Variants in DIAPH2 observed in about 807,000 individuals in gnomAD.
DIAPH2 encodes protein diaphanous homolog 2.
Under a neutral mutation model 92.7 loss-of-function variants are expected in DIAPH2, and 35 were observed. The ratio of observed to expected loss-of-function variants is 0.38; its 90% CI spans 0.29 to 0.50. The LOEUF (loss-of-function observed/expected upper bound fraction) is 0.50, where lower values mean the gene tolerates loss of function less well. Among genes scored for constraint, DIAPH2 ranks in the 20% least tolerant of loss-of-function variants. The pLI is 0.94. For missense variants in DIAPH2, 701 were observed against 819.5 expected (o/e 0.86, Z 1.77); for synonymous variants, 301 against 280.4 (o/e 1.07, Z -0.73).
chrX:96,998,230 T>C (rs1042197933), intron 17 of DIAPH2, among the ~76,000 whole-genome samples: 10 of 110,977 alleles, frequency 9.0e-5, no homozygotes, highest in Non-Finnish European at 1.5e-4. Flanking sequence ...TATTTACCTT[T>C]AACTTCTGTG....
At chrX:97,428,697 C>G in intron 25 of DIAPH2, among the ~76,000 whole-genome samples, 1 of 111,246 alleles carries the variant, frequency 9.0e-6, no homozygotes, top group South Asian at 3.8e-4. Context: ...AAATTGTCAT[C>G]TACCTCACAC....
At chrX:96,794,648 A>T (rs1043927806) in intron 4 of DIAPH2, among the ~76,000 whole-genome samples, 3 of 111,876 alleles carry the variant, frequency 2.7e-5, no homozygotes, top group African/African-American at 9.8e-5. Flanking sequence ...CTATCCTGTG[A>T]TATAACAAAT....
intron 22 of DIAPH2, among the ~76,000 whole-genome samples, chrX:97,185,167 G>A (rs1400351553): frequency 4.2e-5 from 4 of 95,309 alleles, no homozygotes; most frequent in African/African-American, 1.5e-4. Flanking sequence ...AGGATTATAG[G>A]CACCCGTCAC....
chrX:97,141,912 A>G, intron 22 of DIAPH2, 118 bp downstream of exon 22: 1 of 803,751 alleles, frequency 1.2e-6, no homozygotes, highest in Non-Finnish European at 1.7e-6. Flanking sequence ...CTGATAAAAG[A>G]AAAGCAGGAA....
intron 1 of DIAPH2, among the ~76,000 whole-genome samples, chrX:96,687,201 AG>A (rs2063775255): frequency 8.9e-6 from 1 of 112,075 alleles, no homozygotes; most frequent in Non-Finnish European, 1.9e-5. Context: ...GTTACTGAGT[AG>A]GGAAGAAGGG....
chrX:97,544,532 C>A lies in DIAPH2; in HGVS notation c.3242-54721C>A, dbSNP rs1602659733. ...CAGTGTTGCTGCATCTCCATTTTTC[C>A]ACACCGATTTTAGTCTTGATATTAC... On this transcript the variant is annotated intron_variant, in intron 26 of 26. Transcript: ENST00000324765. Among the ~76,000 whole-genome samples the A allele has an allele frequency of 5.4e-5, 6 of 111,933 alleles. 1 individual carries two copies. The Admixed American group carries it at 5.7e-4, about 11-fold the overall frequency.
intron 4 of DIAPH2, among the ~76,000 whole-genome samples, chrX:96,859,662 G>T (rs1335308869): frequency 9.4e-6 from 1 of 106,574 alleles, no homozygotes; most frequent in African/African-American, 3.5e-5. Flanking sequence ...TATTTTTTGA[G>T]AGGGAGTCTC....
At chrX:96,892,455 A>G (rs1275626855) in intron 5 of DIAPH2, among the ~76,000 whole-genome samples, 2 of 111,999 alleles carry the variant, frequency 1.8e-5, no homozygotes, top group African/African-American at 3.2e-5. Context: ...GCAGTTGTCA[A>G]TTTATATGCC....
At chrX:97,384,516 A>T (rs1388275409) in intron 25 of DIAPH2, among the ~76,000 whole-genome samples, 1 of 112,011 alleles carries the variant, frequency 8.9e-6, no homozygotes, top group East Asian at 2.8e-4. Flanking sequence ...AGGGAAAGGC[A>T]TCTTGCACAG....
chrX:97,398,078 C>T (rs1408603058), intron 25 of DIAPH2, among the ~76,000 whole-genome samples: 6 of 112,167 alleles, frequency 5.3e-5, no homozygotes, highest in Non-Finnish European at 1.1e-4. Context: ...TAACCGACCT[C>T]ATTCTACTGA....
At chrX:97,046,998 G>T (rs980621957) in intron 17 of DIAPH2, among the ~76,000 whole-genome samples, 2 of 111,212 alleles carry the variant, frequency 1.8e-5, no homozygotes, top group African/African-American at 6.5e-5. Flanking sequence ...TTCAGGAAAA[G>T]ATGGAGAAGT....
chrX:97,185,459 A>ATATATATGTGTGTG (rs1291735933), intron 22 of DIAPH2, among the ~76,000 whole-genome samples: 11 of 45,483 alleles, frequency 2.4e-4, no homozygotes, highest in Non-Finnish European at 3.6e-4. Context: ...GTGTGTGTAT[A>ATATATATGTGTGTG]TATATATATA....
intron 4 of DIAPH2, among the ~76,000 whole-genome samples, chrX:96,760,811 A>G (rs1033368717): frequency 2.7e-5 from 3 of 111,447 alleles, no homozygotes; most frequent in Non-Finnish European, 3.8e-5. Context: ...TCGAAGTCCC[A>G]TAATAGAGAA....
At chrX:97,325,640 T>C (rs942519394) in intron 23 of DIAPH2, among the ~76,000 whole-genome samples, 2 of 109,717 alleles carry the variant, frequency 1.8e-5, no homozygotes, top group Non-Finnish European at 3.8e-5. Context: ...TGCAGTGGTG[T>C]GATCTCGGCT....
chrX:96,930,623 T>A (rs2065613059), intron 9 of DIAPH2, 110 bp from the exon 10 acceptor site: 1 of 490,027 alleles, frequency 2.0e-6, no homozygotes, highest in Admixed American at 4.8e-5. Context: ...ATATTTGCAT[T>A]TCTTATTTTA....
chrX:97,407,720 T>G (rs891566440), intron 25 of DIAPH2, among the ~76,000 whole-genome samples: 1 of 112,213 alleles, frequency 8.9e-6, no homozygotes, highest in Non-Finnish European at 1.9e-5. Context: ...TGACCATACC[T>G]CTATTCATTT....
intron 26 of DIAPH2, among the ~76,000 whole-genome samples, chrX:97,514,003 T>C (rs1238738937): frequency 9.3e-6 from 1 of 107,341 alleles, no homozygotes; most frequent in Non-Finnish European, 1.9e-5. Context: ...GTTGCTCTTC[T>C]CTAGGAGAAT....
At chrX:97,085,809 T>C (rs989278870) in intron 19 of DIAPH2, among the ~76,000 whole-genome samples, 4 of 112,202 alleles carry the variant, frequency 3.6e-5, no homozygotes, top group Non-Finnish European at 5.6e-5. Context: ...GTATTTGTTC[T>C]AATAAAGAAT....
chrX:97,555,909 G>A, intron 26 of DIAPH2, among the ~76,000 whole-genome samples: 1 of 111,638 alleles, frequency 9.0e-6, no homozygotes, highest in Non-Finnish European at 1.9e-5. Context: ...CAGTAATAGC[G>A]CCAATCGCAG....
Sources: gnomAD v4.1 joint callset for allele counts (sites outside exome capture counted in the v4.1 genomes callset) on GRCh38, gnomAD v4.1.1 for gene constraint, MANE v1.5 for transcripts, NCBI Gene and HGNC (gene_info 2026-07-23, HGNC 2026-07-21) for gene names.